PCDH15: variants seen among roughly 807,000 people sequenced by gnomAD.
PCDH15 encodes the protein protocadherin-15.
Under a neutral mutation model 178.5 loss-of-function variants are expected in PCDH15, and 129 were observed. The ratio of observed to expected loss-of-function variants is 0.72; its 90% CI spans 0.63 to 0.84. The LOEUF is 0.84. PCDH15 is among the 40% of genes least tolerant of loss of function. PCDH15 has a pLI of 0.00. For missense variants in PCDH15, 2,230 were observed against 2,099.9 expected (o/e 1.06, Z -1.21); for synonymous variants, 800 against 732.0 (o/e 1.09, Z -1.50).
intron 3 of PCDH15, among the ~76,000 whole-genome samples, chr10:54,510,911 G>T (rs900134967): frequency 1.3e-5 from 2 of 152,098 alleles, no homozygotes; most frequent in Non-Finnish European, 2.9e-5. Flanking sequence ...ATACTAAAGA[G>T]GGAGAAGTGT....
intron 14 of PCDH15, among the ~76,000 whole-genome samples, chr10:54,149,836 G>A (rs184633603): frequency 6.6e-6 from 1 of 152,236 alleles, no homozygotes; most frequent in East Asian, 1.9e-4. Flanking sequence ...CAGTGGCTTG[G>A]ACTGGAATGC....
intron 21 of PCDH15, 48 bp downstream of exon 21, chr10:53,995,601 G>C (rs751797206): frequency 1.2e-6 from 2 of 1,613,276 alleles, no homozygotes; most frequent in South Asian, 2.2e-5. Context: ...GAGTGTTAAG[G>C]ATTTTTCTCA....
At chr10:54,132,773 G>A in intron 15 of PCDH15, 102 bp downstream of exon 15, 1 of 1,519,654 alleles carries the variant, frequency 6.6e-7, no homozygotes, top group Non-Finnish European at 8.9e-7. Flanking sequence ...AGGCAAGCAT[G>A]TGAGGTTTCT....
At chr10:54,390,244 G>T (rs1182925913) in intron 3 of PCDH15, among the ~76,000 whole-genome samples, 4 of 152,110 alleles carry the variant, frequency 2.6e-5, no homozygotes, top group Non-Finnish European at 5.9e-5. Context: ...TCCCATGCAT[G>T]ATTTCTAGCT....
intron 3 of PCDH15, among the ~76,000 whole-genome samples, chr10:54,859,070 G>C (rs1210780587): frequency 6.6e-6 from 1 of 152,018 alleles, no homozygotes; most frequent in Non-Finnish European, 1.5e-5. Context: ...TCAGGGTAAA[G>C]TGCTCTTTGT....
At chr10:55,237,332 C>G (rs960243015) in intron 1 of PCDH15, among the ~76,000 whole-genome samples, 4 of 152,044 alleles carry the variant, frequency 2.6e-5, no homozygotes, top group Non-Finnish European at 4.4e-5. Context: ...ATTTCTAGCT[C>G]AGAATTCTTG....
intron 18 of PCDH15, among the ~76,000 whole-genome samples, chr10:54,024,069 C>T (rs2093010419): frequency 6.6e-6 from 1 of 152,008 alleles, no homozygotes; most frequent in Non-Finnish European, 1.5e-5. Context: ...ATGTTTGATA[C>T]CATAATATAC....
intron 3 of PCDH15, among the ~76,000 whole-genome samples, chr10:54,515,501 G>GCCCA (rs1260137924): frequency 1.3e-5 from 2 of 152,224 alleles, no homozygotes; most frequent in Non-Finnish European, 2.9e-5. Context: ...ACTCGGTGGA[G>GCCCA]CCCACCACAG....
In PCDH15 at chr10:54,120,626, G is replaced by T. The variant is rs1241962914; in HGVS notation, c.1917+12249C>A. On this transcript the variant is annotated intron_variant, in intron 15 of 37. Transcript: ENST00000644397. Reference sequence around the variant, plus strand: ...GCAAACAGAAAAGGAAAAGAACAGGGATTACTATTCTCATATCAGATAAAA... The same window carrying T: ...GCAAACAGAAAAGGAAAAGAACAGGTATTACTATTCTCATATCAGATAAAA... Among the ~76,000 whole-genome samples, 9 of 152,006 alleles carry T rather than the reference G, an allele frequency of 5.9e-5. 1 individual carries two copies. In the East Asian group the frequency reaches 1.5e-3, roughly 26 times the overall value.
At chr10:55,132,032 G>A (rs1465150382) in intron 2 of PCDH15, among the ~76,000 whole-genome samples, 1 of 152,072 alleles carries the variant, frequency 6.6e-6, no homozygotes, top group Non-Finnish European at 1.5e-5. Flanking sequence ...ATGTGGATGG[G>A]TGCCTGCAGC....
rs1289594724 is a variant in PCDH15 at position 54,208,511 on chromosome 10, C to CCCTCTCAT, written c.1098+5417_1098+5424dup. Reference sequence around the variant, plus strand: ...CCCAGAAAGCTCTCTCACCCTCTCACCCTCTCATCCTCTCATCCTCTTTCC... The same window carrying CCCTCTCAT: ...CCCAGAAAGCTCTCTCACCCTCTCACCCTCTCATCCTCTCATCCTCTCATCCTCTTTCC... On this transcript the variant is annotated intron_variant, in intron 10 of 37. Coordinates refer to ENST00000644397, the MANE Select transcript of PCDH15 (RefSeq NM_001384140.1). 3.3e-5 allele frequency among the ~76,000 whole-genome samples: 5 copies of CCCTCTCAT among 152,132 alleles called. No individual in the cohort carries two copies. The East Asian group carries it at 7.8e-4, about 24-fold the overall frequency.
At chr10:54,914,525 AGT>A (rs74790818) in intron 2 of PCDH15, among the ~76,000 whole-genome samples, 37,464 of 152,076 alleles carry the variant, frequency 0.25, 5,415 homozygotes, top group Non-Finnish European at 0.33. Flanking sequence ...TCAAGATCAA[AGT>A]TACTGGTTTT....
intron 26 of PCDH15, among the ~76,000 whole-genome samples, chr10:53,883,652 C>A (rs1273388365): frequency 2.6e-5 from 4 of 152,114 alleles, no homozygotes; most frequent in Admixed American, 2.6e-4. Context: ...TGTAAAATAA[C>A]CCCCAGAGAA....
intron 3 of PCDH15, among the ~76,000 whole-genome samples, chr10:54,501,731 G>A (rs2137445917): frequency 6.6e-6 from 1 of 152,124 alleles, no homozygotes; most frequent in East Asian, 1.9e-4. Context: ...AAAATTTGAT[G>A]TGTATAATTC....
intron 35 of PCDH15, among the ~76,000 whole-genome samples, chr10:53,815,609 G>A (rs868057981): frequency 6.6e-6 from 1 of 151,940 alleles, no homozygotes; most frequent in African/African-American, 2.4e-5. Context: ...CTGTACTCAA[G>A]GAAAAGGAAT....
At chr10:54,126,035 A>C (rs538133860) in intron 15 of PCDH15, among the ~76,000 whole-genome samples, 44 of 151,854 alleles carry the variant, frequency 2.9e-4, no homozygotes, top group Non-Finnish European at 2.9e-4. Flanking sequence ...ACAGGAAAAC[A>C]GATTCCTTTT....
At chr10:54,970,729 C>A (rs1838910842) in intron 2 of PCDH15, among the ~76,000 whole-genome samples, 1 of 152,162 alleles carries the variant, frequency 6.6e-6, no homozygotes, top group African/African-American at 2.4e-5. Context: ...ACTTTCTACA[C>A]AGTATCCACA....
At chr10:55,551,918 T>A (rs1318744657) in intron 2 of PCDH15, among the ~76,000 whole-genome samples, 2 of 151,796 alleles carry the variant, frequency 1.3e-5, no homozygotes, top group Non-Finnish European at 3.0e-5. Context: ...CCTTTACTTG[T>A]CTAAGTGTAA....
chr10:54,393,032 T>C (rs1249108248), intron 3 of PCDH15, among the ~76,000 whole-genome samples: 3 of 152,178 alleles, frequency 2.0e-5, no homozygotes, highest in Admixed American at 6.5e-5. Flanking sequence ...TTTGATAACA[T>C]TTTAATTAAT....
Sources: gnomAD v4.1 joint callset for allele counts (sites outside exome capture counted in the v4.1 genomes callset) on GRCh38, gnomAD v4.1.1 for gene constraint, MANE v1.5 for transcripts, NCBI Gene and HGNC (gene_info 2026-07-23, HGNC 2026-07-21) for gene names.